Variants in ME1 observed in about 807,000 individuals in gnomAD.
The protein encoded by ME1 is NADP-dependent malic enzyme.
In ME1, 74 loss-of-function variants were observed where a neutral mutation model predicts 66.4. The observed-to-expected ratio is 1.11, with a 90% CI of 0.92 to 1.35. The LOEUF (loss-of-function observed/expected upper bound fraction) is 1.35. Ranked by LOEUF, ME1 falls within the 40% of genes most tolerant of loss-of-function variation. The pLI is 0.00. For synonymous variants in ME1, 251 were observed against 235.6 expected (o/e 1.07, Z -0.60); for missense variants, 750 against 694.1 (o/e 1.08, Z -0.90).
intron 5 of ME1, among the ~76,000 whole-genome samples, chr6:83,344,884 A>AAAAAT (rs938010389): frequency 1.3e-5 from 2 of 151,978 alleles, no homozygotes; most frequent in Non-Finnish European, 2.9e-5. Flanking sequence ...CGTCTCAAAA[A>AAAAAT]AAAATAAAAT....
chr6:83,372,102 T>C (rs1365086647), intron 3 of ME1, among the ~76,000 whole-genome samples: 1 of 152,214 alleles, frequency 6.6e-6, no homozygotes, highest in Non-Finnish European at 1.5e-5. Context: ...AATGACCTAA[T>C]ACAGTGTCTA....
At chr6:83,418,894 C>T (rs776532664) in intron 1 of ME1, among the ~76,000 whole-genome samples, 35 of 141,310 alleles carry the variant, frequency 2.5e-4, no homozygotes, top group Non-Finnish European at 4.7e-4. Context: ...AAAATGCAAT[C>T]TGAAGGATGA....
intron 6 of ME1, among the ~76,000 whole-genome samples, chr6:83,282,123 G>T (rs1215893783): frequency 1.3e-5 from 2 of 151,768 alleles, no homozygotes; most frequent in Middle Eastern, 3.4e-3. Flanking sequence ...GACAAATAAA[G>T]AAAAAAGATA....
intron 5 of ME1, among the ~76,000 whole-genome samples, chr6:83,343,143 C>A (rs1333010439): frequency 2.0e-5 from 3 of 152,152 alleles, no homozygotes; most frequent in African/African-American, 4.8e-5. Context: ...CCTTAACCAA[C>A]CTCTCTTCAT....
At chr6:83,257,024 T>G (rs1766785595) in intron 6 of ME1, among the ~76,000 whole-genome samples, 1 of 151,434 alleles carries the variant, frequency 6.6e-6, no homozygotes, top group South Asian at 2.1e-4. Flanking sequence ...GGGAACATCA[T>G]CACACCGGGG....
intron 3 of ME1, among the ~76,000 whole-genome samples, chr6:83,374,999 C>A (rs1218392667): frequency 6.6e-6 from 1 of 152,220 alleles, no homozygotes; most frequent in East Asian, 1.9e-4. Flanking sequence ...GTTACCATAG[C>A]CTTGTAGCAT....
At chr6:83,316,997 G>A (rs1768048240) in intron 5 of ME1, among the ~76,000 whole-genome samples, 1 of 151,962 alleles carries the variant, frequency 6.6e-6, no homozygotes, top group Non-Finnish European at 1.5e-5. Flanking sequence ...CAGTAACCTA[G>A]AATAGAGAAA....
At chr6:83,266,624 T>A (rs781657861) in intron 6 of ME1, among the ~76,000 whole-genome samples, 9 of 152,214 alleles carry the variant, frequency 5.9e-5, no homozygotes, top group Non-Finnish European at 1.5e-5. Context: ...ATAAGCTCGT[T>A]TCCTCTCATA....
chr6:83,330,672 T>C (rs539988559), intron 5 of ME1, among the ~76,000 whole-genome samples: 2 of 152,354 alleles, frequency 1.3e-5, no homozygotes, highest in South Asian at 4.1e-4. Flanking sequence ...AATCAGTATT[T>C]CTAAAATTTA....
chr6:83,364,725 C>A (rs1769068063), intron 3 of ME1, among the ~76,000 whole-genome samples: 1 of 150,852 alleles, frequency 6.6e-6, no homozygotes, highest in African/African-American at 2.5e-5. Flanking sequence ...ATCTATCTAT[C>A]TATCTATCTG....
intron 3 of ME1, among the ~76,000 whole-genome samples, chr6:83,356,401 TA>T (rs910197730): frequency 6.6e-6 from 1 of 152,110 alleles, no homozygotes; most frequent in South Asian, 2.1e-4. Flanking sequence ...AAAGAAGTAC[TA>T]AAAAAAGCTA....
At chr6:83,240,921 A>G (rs1417619087) in intron 7 of ME1, among the ~76,000 whole-genome samples, 1 of 152,144 alleles carries the variant, frequency 6.6e-6, no homozygotes, top group Non-Finnish European at 1.5e-5. Context: ...TAGGATCACA[A>G]TGTGTACTAC....
At chr6:83,357,176 C>T (rs1768907109) in intron 3 of ME1, among the ~76,000 whole-genome samples, 1 of 152,156 alleles carries the variant, frequency 6.6e-6, no homozygotes, top group Admixed American at 6.5e-5. Context: ...TCATTGTTTA[C>T]TATCAGGTGG....
chr6:83,311,168 T>C (rs1767924065), intron 6 of ME1, among the ~76,000 whole-genome samples: 1 of 152,096 alleles, frequency 6.6e-6, no homozygotes, highest in South Asian at 2.1e-4. Flanking sequence ...TAACTAAGGT[T>C]TTATCACAAT....
At chr6:83,349,068 C>T (rs1329292039) in intron 4 of ME1, among the ~76,000 whole-genome samples, 1 of 149,584 alleles carries the variant, frequency 6.7e-6, no homozygotes, top group Non-Finnish European at 1.5e-5. Context: ...GTTCTTCTCT[C>T]AAAGCTATTA....
intron 6 of ME1, among the ~76,000 whole-genome samples, chr6:83,302,180 C>G (rs897922211): frequency 6.6e-6 from 1 of 152,130 alleles, no homozygotes; most frequent in Admixed American, 6.6e-5. Flanking sequence ...AGGCCATTAT[C>G]CTTAGCAAAC....
intron 3 of ME1, among the ~76,000 whole-genome samples, chr6:83,366,096 C>T (rs1332571296): frequency 6.6e-6 from 1 of 152,228 alleles, no homozygotes; most frequent in Non-Finnish European, 1.5e-5. Flanking sequence ...GCTTCTGCTA[C>T]ATCAGATAAT....
chr6:83,213,794 A>C (rs1231478640), intron 13 of ME1, among the ~76,000 whole-genome samples: 1 of 152,246 alleles, frequency 6.6e-6, no homozygotes, highest in Non-Finnish European at 1.5e-5. Context: ...AATTAAGGTT[A>C]TGAATACTGT....
chr6:83,237,267 G>GAAAGAAAGAAAGA (rs1790421432), intron 9 of ME1, among the ~76,000 whole-genome samples: 1 of 84,368 alleles, frequency 1.2e-5, no homozygotes, highest in African/African-American at 5.5e-5. Flanking sequence ...AAGAAAGAAA[G>GAAAGAAAGAAAGA]AAAGAAAGAA....
Sources: allele counts gnomAD v4.1 joint callset (sites outside exome capture counted in the v4.1 genomes callset), GRCh38; gene constraint gnomAD v4.1.1; transcripts MANE v1.5; gene names NCBI Gene and HGNC (gene_info 2026-07-23, HGNC 2026-07-21).